Variants in RGS20 observed in about 807,000 individuals in gnomAD.
RGS20 encodes gz-selective GTPase-activating protein.
Under a neutral mutation model 33.6 loss-of-function variants are expected in RGS20, and 30 were observed. That is an observed-to-expected ratio of 0.89 (90% CI 0.67 to 1.21). The LOEUF (loss-of-function observed/expected upper bound fraction) is 1.21, where lower values mean the gene tolerates loss of function less well. RGS20 is among the 50% of genes most tolerant of loss of function. The pLI is 0.00. For synonymous variants in RGS20, 208 were observed against 197.9 expected (o/e 1.05, Z -0.43); for missense variants, 472 against 502.4 (o/e 0.94, Z 0.58).
At chr8:53,874,704 C>A (rs1471213534) in intron 1 of RGS20, among the ~76,000 whole-genome samples, 1 of 152,182 alleles carries the variant, frequency 6.6e-6, no homozygotes, top group Non-Finnish European at 1.5e-5. Context: ...TCTGGCATTT[C>A]TTGGGCAGTG....
chr8:53,856,622 C>T (rs1247349021), intron 1 of RGS20, among the ~76,000 whole-genome samples: 3 of 152,124 alleles, frequency 2.0e-5, no homozygotes, highest in East Asian at 1.9e-4. Flanking sequence ...TCTAGACAAT[C>T]GACATGAGGA....
chr8:53,928,024 A>C (rs1813852631), intron 2 of RGS20, among the ~76,000 whole-genome samples: 1 of 152,234 alleles, frequency 6.6e-6, no homozygotes, highest in Admixed American at 6.5e-5. Flanking sequence ...GCATTAATTC[A>C]CTTCATTAAC....
intron 2 of RGS20, 37 bp downstream of exon 1, chr8:53,881,121 C>T: frequency 2.8e-6 from 4 of 1,442,144 alleles, no homozygotes; most frequent in Middle Eastern, 2.0e-4. Context: ...CTTTCTTCGT[C>T]TCGGGCTCGC....
At chr8:53,858,262 G>A (rs1460039877) in intron 1 of RGS20, among the ~76,000 whole-genome samples, 2 of 152,068 alleles carry the variant, frequency 1.3e-5, no homozygotes, top group African/African-American at 4.8e-5. Context: ...TACACTGGCA[G>A]CCTTCACCAC....
intron 2 of RGS20, among the ~76,000 whole-genome samples, chr8:53,931,784 C>T (rs1045682110): frequency 6.6e-6 from 1 of 152,102 alleles, no homozygotes; most frequent in Non-Finnish European, 1.5e-5. Context: ...TCGCCTCACC[C>T]AGGAAGTGCA....
intron 2 of RGS20, chr8:53,913,660 G>A (rs1011789659): frequency 6.6e-6 from 1 of 152,244 alleles, no homozygotes; most frequent in South Asian, 2.1e-4. Flanking sequence ...AGAAGACAGA[G>A]ATTGGGTTTC....
At chr8:53,942,234 T>C (rs563282032) in intron 3 of RGS20, among the ~76,000 whole-genome samples, 6 of 151,790 alleles carry the variant, frequency 4.0e-5, no homozygotes, top group South Asian at 4.2e-4. Flanking sequence ...GATTGCACCA[T>C]TGCACTTCAG....
At chr8:53,893,967 G>C (rs571420688) in intron 2 of RGS20, among the ~76,000 whole-genome samples, 1 of 152,012 alleles carries the variant, frequency 6.6e-6, no homozygotes, top group Non-Finnish European at 1.5e-5. Flanking sequence ...CTAGTGATCT[G>C]TGTTCAAAAT....
chr8:53,956,624 G>T (rs556265692), intron 5 of RGS20, among the ~76,000 whole-genome samples: 1 of 152,116 alleles, frequency 6.6e-6, no homozygotes, highest in Non-Finnish European at 1.5e-5. Flanking sequence ...TGGTGGGGTC[G>T]TTGGCTTACT....
At chr8:53,866,993 T>C (rs1431536259) in intron 1 of RGS20, among the ~76,000 whole-genome samples, 1 of 152,138 alleles carries the variant, frequency 6.6e-6, no homozygotes, top group African/African-American at 2.4e-5. Flanking sequence ...AACCCAAACG[T>C]AGGCTCGGCT....
intron 2 of RGS20, chr8:53,914,730 A>T (rs1360054528): frequency 6.6e-6 from 1 of 152,222 alleles, no homozygotes; most frequent in Non-Finnish European, 1.5e-5. Context: ...TGCTCACTTC[A>T]GCAGCACATA....
chr8:53,894,641 G>A (rs568598675), intron 2 of RGS20, among the ~76,000 whole-genome samples: 5 of 152,222 alleles, frequency 3.3e-5, no homozygotes, highest in Non-Finnish European at 5.9e-5. Flanking sequence ...GCACAGTTCT[G>A]TGGGGTGACA....
intron 1 of RGS20, among the ~76,000 whole-genome samples, chr8:53,863,044 A>G (rs1394267365): frequency 1.3e-5 from 2 of 152,100 alleles, no homozygotes; most frequent in Non-Finnish European, 2.9e-5. Context: ...GCTGGAGTAC[A>G]ATGGCACGAT....
At chr8:53,945,594 C>T (rs139840368) in intron 3 of RGS20, among the ~76,000 whole-genome samples, 61 of 152,254 alleles carry the variant, frequency 4.0e-4, no homozygotes, top group African/African-American at 1.4e-3. Flanking sequence ...ATAAACTTGA[C>T]GGCATATGAA....
chr8:53,911,948 A>G (rs1813358767), intron 2 of RGS20, among the ~76,000 whole-genome samples: 1 of 152,188 alleles, frequency 6.6e-6, no homozygotes, highest in African/African-American at 2.4e-5. Flanking sequence ...GTCAAAAAAT[A>G]CATAAAAATA....
At chr8:53,911,221 T>C (rs1813338376) in intron 2 of RGS20, among the ~76,000 whole-genome samples, 1 of 152,202 alleles carries the variant, frequency 6.6e-6, no homozygotes, top group Admixed American at 6.5e-5. Flanking sequence ...AAAACTTTAG[T>C]GTGAGAGGCC....
At chr8:53,916,646 G>T (rs1021078180) in intron 2 of RGS20, among the ~76,000 whole-genome samples, 13 of 152,146 alleles carry the variant, frequency 8.5e-5, no homozygotes, top group African/African-American at 3.1e-4. Context: ...AGTTTACCAT[G>T]GTATTTCTAG....
intron 1 of RGS20, among the ~76,000 whole-genome samples, chr8:53,871,181 T>C (rs913538225): frequency 6.6e-6 from 1 of 151,760 alleles, no homozygotes; most frequent in Non-Finnish European, 1.5e-5. Flanking sequence ...GACTCTTCTT[T>C]TCCTGAGTTT....
At chr8:53,909,213 A>G (rs1263932424) in intron 2 of RGS20, among the ~76,000 whole-genome samples, 1,029 of 21,534 alleles carry the variant, frequency 0.048, 33 homozygotes, top group African/African-American at 0.15. Context: ...ATGTGTGTAT[A>G]TATATATATA....
Sources: allele counts gnomAD v4.1 joint callset (sites outside exome capture counted in the v4.1 genomes callset), GRCh38; gene constraint gnomAD v4.1.1; transcripts MANE v1.5; gene names NCBI Gene and HGNC (gene_info 2026-07-23, HGNC 2026-07-21).